Variants in RILPL2 observed in about 807,000 individuals in gnomAD.
RILPL2 encodes the protein Rab interacting lysosomal protein like 2.
RILPL2 carries 19 observed loss-of-function variants against 22.2 expected under a neutral mutation model. The observed-to-expected ratio is 0.86, with a 90% CI of 0.60 to 1.25. The LOEUF is 1.25. RILPL2 is among the 50% of genes most tolerant of loss of function. The pLI is 0.00. For synonymous variants in RILPL2, 123 were observed against 111.6 expected (o/e 1.10, Z -0.64); for missense variants, 243 against 263.6 (o/e 0.92, Z 0.54).
intron 1 of RILPL2, among the ~76,000 whole-genome samples, chr12:123,433,397 C>G (rs755261880): frequency 2.6e-5 from 4 of 151,964 alleles, no homozygotes; most frequent in Non-Finnish European, 5.9e-5. Flanking sequence ...CTGCGCCCAG[C>G]CTTGGTTTGT....
intron 3 of RILPL2, 121 bp downstream of exon 3, chr12:123,422,923 A>T: frequency 1.5e-6 from 1 of 688,614 alleles, no homozygotes; most frequent in Non-Finnish European, 2.6e-6. Flanking sequence ...GGGCTGCAGC[A>T]CCACAACCGG....
intron 2 of RILPL2, among the ~76,000 whole-genome samples, chr12:123,423,546 T>C (rs1017848306): frequency 2.0e-4 from 30 of 151,862 alleles, no homozygotes; most frequent in Admixed American, 1.8e-3. Flanking sequence ...ATAAAGGGTC[T>C]TAATGATGAT....
At chr12:123,422,313 C>T (rs1250930198) in intron 3 of RILPL2, among the ~76,000 whole-genome samples, 3 of 151,360 alleles carry the variant, frequency 2.0e-5, no homozygotes, top group Non-Finnish European at 2.9e-5. Flanking sequence ...ACGAGGAGTT[C>T]AAGACCAGCC....
intron 2 of RILPL2, among the ~76,000 whole-genome samples, chr12:123,430,219 C>T (rs1363162525): frequency 2.0e-5 from 3 of 149,798 alleles, no homozygotes; most frequent in South Asian, 2.1e-4. Context: ...ACCATTCTGC[C>T]TAACACGGTG....
the RILPL2 span, among the ~76,000 whole-genome samples, chr12:123,409,534 A>G: frequency 6.7e-6 from 1 of 150,240 alleles, no homozygotes; most frequent in East Asian, 2.0e-4. Flanking sequence ...GGGTATGTGA[A>G]GATTAAAAGT....
In RILPL2 at chr12:123,436,548, G is replaced by A. The variant is rs1352708495; in HGVS notation, c.-128C>T. On this transcript the variant is annotated 5_prime_UTR_variant, in exon 1 of 4. Transcript: ENST00000280571. This position sits in a 1 kb window ranked among gnomAD's most constrained non-coding sequence, Gnocchi z 6.7. ...CCTGCCCAATCAGCGCGGCCCGGGG[G>A]TGGGCCCGGGGGGATGGTGCAAGGG... The A allele has an allele frequency of 1.1e-5, 16 of 1,417,362 alleles. No homozygotes were observed. Among genetic ancestry groups the A allele is most frequent in the African/African-American group, 2.9e-5 (2 of 69,550 alleles). The allele number at this position is 1,417,362 out of a possible 1,614,324, so 87.8% of individuals were successfully genotyped here.
At chr12:123,429,309 T>G (rs979879960) in intron 2 of RILPL2, among the ~76,000 whole-genome samples, 8 of 152,118 alleles carry the variant, frequency 5.3e-5, no homozygotes, top group African/African-American at 1.9e-4. Flanking sequence ...TTTCGTTTTG[T>G]TTTTGAGAAA....
chr12:123,432,411 GGGAGGAT>G (rs2139253182), intron 1 of RILPL2, among the ~76,000 whole-genome samples: 1 of 152,244 alleles, frequency 6.6e-6, no homozygotes, highest in African/African-American at 2.4e-5. Flanking sequence ...AGGCTGAGGT[GGGAGGAT>G]CACCTGAGCC....
Position 123,436,506 on chromosome 12 carries a change from G to T in RILPL2, c.-86C>A. On this transcript the variant is annotated 5_prime_UTR_variant, in exon 1 of 4. Coordinates refer to ENST00000280571, the MANE Select transcript of RILPL2 (RefSeq NM_145058.3). The surrounding 1 kb of genome is among the most constrained non-coding windows in gnomAD (Gnocchi z 6.7). ...TTCCTCCCGGCACCCAAAACTTTCC[G>T]CTGGGCAGAGTCCCTACCTGCCCAA... is the stretch of plus-strand genomic sequence containing the variant. 1.3e-6 allele frequency: 2 copies of T among 1,487,348 alleles called. No individual in the cohort carries two copies. The allele number at this position is 1,487,348 out of a possible 1,614,324, so 92.1% of individuals were successfully genotyped here.
downstream of RILPL2, chr12:123,410,976 C>A (rs939344812): frequency 6.6e-6 from 1 of 152,148 alleles, no homozygotes; most frequent in Admixed American, 6.6e-5. Context: ...TCATGCCTCA[C>A]CCTCCCACAG....
intron 3 of RILPL2, among the ~76,000 whole-genome samples, chr12:123,420,022 CT>C (rs35616705): frequency 0.016 from 919 of 57,492 alleles, 3 homozygotes; most frequent in African/African-American, 0.025. Context: ...GACGGGGTTT[CT>C]TTTTTTTTTT....
intron 2 of RILPL2, among the ~76,000 whole-genome samples, chr12:123,426,144 T>C (rs1316782597): frequency 1.3e-5 from 2 of 151,954 alleles, no homozygotes; most frequent in Non-Finnish European, 2.9e-5. Flanking sequence ...ATATTATTTA[T>C]ATTCTAATTT....
intron 2 of RILPL2, among the ~76,000 whole-genome samples, chr12:123,427,609 T>C (rs1460631501): frequency 6.6e-6 from 1 of 151,580 alleles, no homozygotes; most frequent in Non-Finnish European, 1.5e-5. Flanking sequence ...GTGACACATC[T>C]CAGCTCACTG....
At chr12:123,429,444 C>T (rs1456051453) in intron 2 of RILPL2, among the ~76,000 whole-genome samples, 5 of 149,726 alleles carry the variant, frequency 3.3e-5, no homozygotes, top group Admixed American at 6.7e-5. Context: ...TACAGGCGCC[C>T]GCCACCACAC....
chr12:123,417,713 G>A (rs1372838730), intron 3 of RILPL2, among the ~76,000 whole-genome samples: 3 of 152,216 alleles, frequency 2.0e-5, no homozygotes, highest in Non-Finnish European at 2.9e-5. Flanking sequence ...AGCCTCCTGA[G>A]TAGCTGGGAT....
At chr12:123,434,911 AG>A (rs1350153633) in intron 1 of RILPL2, among the ~76,000 whole-genome samples, 1 of 150,812 alleles carries the variant, frequency 6.6e-6, no homozygotes, top group African/African-American at 2.4e-5. Flanking sequence ...GCTGTGGCTC[AG>A]GCCTGTAATC....
rs777800206 is a variant in RILPL2 at position 123,430,534 on chromosome 12, C to A, written c.465G>T (p.Val155=). The change falls in exon 2 of 4, where the codon GTG becomes GTT. Residue 155 remains valine, a synonymous_variant. Coordinates refer to ENST00000280571, the MANE Select transcript of RILPL2 (RefSeq NM_145058.3). Reference sequence around the variant, plus strand: ...TCTTGTAGCACTGCAGCTCTTCCTGCACCACCAGGAGCTGCGACTTGAGTT... The same window carrying A: ...TCTTGTAGCACTGCAGCTCTTCCTGAACCACCAGGAGCTGCGACTTGAGTT... ...RNKLKSQLLV[V]QEELQCYKSG... The A allele has an allele frequency of 6.2e-6, 10 of 1,607,900 alleles. No homozygotes were observed. The highest frequency in any genetic ancestry group is 1.3e-5 in the African/African-American group (1 of 74,478).
chr12:123,417,233 A>G (rs1180767517), intron 3 of RILPL2, among the ~76,000 whole-genome samples: 2 of 151,160 alleles, frequency 1.3e-5, no homozygotes, highest in Admixed American at 1.3e-4. Flanking sequence ...TGGGAGGCGG[A>G]GGTTGCAGTG....
At chr12:123,430,206 G>T (rs527450174) in intron 2 of RILPL2, among the ~76,000 whole-genome samples, 2 of 148,114 alleles carry the variant, frequency 1.4e-5, no homozygotes, top group Non-Finnish European at 3.0e-5. Flanking sequence ...TCAGGAGATC[G>T]AGACCATTCT....
Sources: allele counts gnomAD v4.1 joint callset (sites outside exome capture counted in the v4.1 genomes callset), GRCh38; gene constraint gnomAD v4.1.1; non-coding constraint Gnocchi (gnomAD v3.1); transcripts MANE v1.5; gene names NCBI Gene and HGNC (gene_info 2026-07-23, HGNC 2026-07-21).